Variants in PWWP2A observed in about 807,000 individuals in gnomAD.
PWWP2A encodes the protein PWWP domain-containing protein 2A.
PWWP2A carries 18 observed loss-of-function variants against 48.5 expected under a neutral mutation model. The ratio of observed to expected loss-of-function variants is 0.37; its 90% confidence interval spans 0.26 to 0.55. PWWP2A has a LOEUF of 0.55. Ranked by LOEUF, PWWP2A falls within the 20% of genes least tolerant of loss-of-function variation. The pLI is 0.81. For synonymous variants in PWWP2A, 396 were observed against 387.7 expected (o/e 1.02, Z -0.25); for missense variants, 867 against 976.4 (o/e 0.89, Z 1.49).
downstream of PWWP2A, among the ~76,000 whole-genome samples, chr5:160,060,408 C>G (rs1283226778): frequency 6.6e-6 from 1 of 152,198 alleles, no homozygotes; most frequent in African/African-American, 2.4e-5. Context: ...TCTAAACATT[C>G]TGGTCTAAGC....
chr5:160,093,318 A>G lies in PWWP2A; in HGVS notation c.1332T>C (p.Asn444=), dbSNP rs747639852. 2.5e-6 allele frequency: 4 copies of G among 1,613,784 alleles called. No individual in the cohort carries two copies. Among genetic ancestry groups the G allele is most frequent in the African/African-American group, 1.3e-5 (1 of 75,014 alleles). The change falls in exon 2 of 2, where the codon AAT becomes AAC. Residue 444 remains asparagine, a synonymous_variant. Coordinates refer to ENST00000307063, the MANE Select transcript of PWWP2A (RefSeq NM_001130864.2). This position sits in a 1 kb window ranked among gnomAD's most constrained non-coding sequence, Gnocchi z 5.8. ...IAKEKAQKKQ[N]ETSTSKNAHS... ...GTGCATTTTTGGAAGTAGAGGTTTCATTTTGCTTCTTTTGTGCCTTTTCTT... is the reference window on the plus strand; with the variant it reads ...GTGCATTTTTGGAAGTAGAGGTTTCGTTTTGCTTCTTTTGTGCCTTTTCTT...
At chr5:160,101,830 G>A (rs2113597316) in intron 1 of PWWP2A, among the ~76,000 whole-genome samples, 1 of 151,664 alleles carries the variant, frequency 6.6e-6, no homozygotes, top group East Asian at 1.9e-4. Flanking sequence ...AAAATGCGTG[G>A]CCGGCCACTG....
At chr5:160,102,644 T>C (rs919593393) in intron 1 of PWWP2A, among the ~76,000 whole-genome samples, 3 of 152,138 alleles carry the variant, frequency 2.0e-5, no homozygotes, top group Admixed American at 2.0e-4. Context: ...AAAGAATTAT[T>C]AGTGCAAGGG....
Position 160,093,769 on chromosome 5 carries a change from A to G in PWWP2A, c.881T>C (p.Ile294Thr). Reference sequence around the variant, plus strand: ...GTACATTTTTCGTTTGGGTCGCTTAATTTTCCGAGGAGGTGGCTGAGGTAT... The same window carrying G: ...GTACATTTTTCGTTTGGGTCGCTTAGTTTTCCGAGGAGGTGGCTGAGGTAT... ...QSIPQPPPRKIKRPKRKMYRE... is the reference protein window; with the variant it reads ...QSIPQPPPRKTKRPKRKMYRE... The change falls in exon 2 of 2, where the codon ATT becomes ACT. Residue 294 changes from isoleucine (I) to threonine (T), a missense_variant. This residue lies in a region of PWWP2A where 382 missense variants were observed against 407.2 expected (regional missense o/e 0.94). Transcript: ENST00000307063. The surrounding 1 kb of genome is among the most constrained non-coding windows in gnomAD (Gnocchi z 5.8). 1 of 1,613,944 alleles carries G rather than the reference A, an allele frequency of 6.2e-7. No homozygotes were observed. Among genetic ancestry groups the G allele is most frequent in the Non-Finnish European group, 8.5e-7 (1 of 1,179,884 alleles).
At position 160,118,966 on chromosome 5, in the gene PWWP2A, C is replaced by G. The variant is rs774601439; in HGVS notation, c.423G>C (p.Pro141=). Reference sequence around the variant, plus strand: ...CCCCGCCCGCCGGCGGCACGAGCGCCGGGGCTACGGGCTGAGGCAGCGGCG... The same window carrying G: ...CCCCGCCCGCCGGCGGCACGAGCGCGGGGGCTACGGGCTGAGGCAGCGGCG... ...EEPPLPQPVA[P]ALVPPAGGDS... is the part of the protein sequence containing the mutation. Residue 141 remains proline, a synonymous_variant, in exon 1 of 2, where the codon CCG becomes CCC. Transcript: ENST00000307063. 9.8e-5 allele frequency: 156 copies of G among 1,597,594 alleles called. No homozygotes were observed. The Admixed American group carries it at 2.6e-3, about 27-fold the overall frequency.
At chr5:160,056,143 A>G in the PWWP2A span, among the ~76,000 whole-genome samples, 1 of 152,140 alleles carries the variant, frequency 6.6e-6, no homozygotes, top group Non-Finnish European at 1.5e-5. Context: ...GTTACTTGAA[A>G]CTTATCTACT....
In PWWP2A at chr5:160,091,651, A is replaced by G; in HGVS notation, c.*731T>C. The G allele has an allele frequency of 6.1e-6, 6 of 985,060 alleles. No homozygotes were observed. The highest frequency in any genetic ancestry group is 6.0e-6 in the Non-Finnish European group (5 of 829,828). 61.0% of individuals were successfully genotyped at this position (985,060 alleles called of 1,614,324 possible). A position where few individuals can be genotyped will look rare whatever the true frequency, so the allele number is the denominator to read the frequency against. Reference sequence around the variant, plus strand: ...AAAATCAAACCTATCTAAACTCCCAAACCAGAAGCTTGAAAGTATTTATTA... The same window carrying G: ...AAAATCAAACCTATCTAAACTCCCAGACCAGAAGCTTGAAAGTATTTATTA... On this transcript the variant is annotated 3_prime_UTR_variant, in exon 2 of 2. Transcript: ENST00000307063.
chr5:160,082,249 C>A (rs1395091433), intron 2 of PWWP2A, among the ~76,000 whole-genome samples: 1 of 152,002 alleles, frequency 6.6e-6, no homozygotes, highest in South Asian at 2.1e-4. Flanking sequence ...TCGAGACCAT[C>A]CTGGCTAACA....
At chr5:160,087,379 CAAA>C (rs527692100), downstream of PWWP2A, among the ~76,000 whole-genome samples, 13 of 90,490 alleles carry the variant, frequency 1.4e-4, no homozygotes, top group Admixed American at 2.6e-4. Flanking sequence ...GACCCTATCT[CAAA>C]AAAAAAAAAA....
At chr5:160,114,630 G>A (rs1327921248) in intron 1 of PWWP2A, among the ~76,000 whole-genome samples, 1 of 151,726 alleles carries the variant, frequency 6.6e-6, no homozygotes, top group African/African-American at 2.4e-5. Context: ...CAGCGTGGTG[G>A]AGCATGCCTG....
At chr5:160,083,432 A>C (rs1477119203) in intron 2 of PWWP2A, among the ~76,000 whole-genome samples, 1 of 152,230 alleles carries the variant, frequency 6.6e-6, no homozygotes, top group African/African-American at 2.4e-5. Context: ...CTACTCAATC[A>C]TACGAGCAGC....
At chr5:160,080,713 T>C (rs1291779770) in exon 3 of PWWP2A, 3 of 1,575,772 alleles carry the variant, frequency 1.9e-6, no homozygotes, top group Non-Finnish European at 2.6e-6. Context: ...TGTCAGACAC[T>C]GTAAGGGAGC....
intron 1 of PWWP2A, among the ~76,000 whole-genome samples, chr5:160,108,025 A>G (rs1023147338): frequency 1.3e-5 from 2 of 152,164 alleles, no homozygotes; most frequent in Non-Finnish European, 2.9e-5. Context: ...AGGAAACCCC[A>G]AGTCCAATAA....
downstream of PWWP2A, among the ~76,000 whole-genome samples, chr5:160,087,469 G>T (rs374478134): frequency 6.6e-5 from 10 of 152,076 alleles, no homozygotes; most frequent in South Asian, 2.1e-3. Flanking sequence ...GGTTGATCAG[G>T]AAGGAATCCT....
Position 160,091,340 on chromosome 5 carries a change from T to A in PWWP2A, c.*1042A>T, listed in dbSNP as rs1755040015. ...TTTTTGAGAAACACACACAAATAATTTGGATTTAGTTGATTTTATTTACAG... is the reference window on the plus strand; with the variant it reads ...TTTTTGAGAAACACACACAAATAATATGGATTTAGTTGATTTTATTTACAG... On this transcript the variant is annotated 3_prime_UTR_variant, in exon 2 of 2. Coordinates refer to ENST00000307063, the MANE Select transcript of PWWP2A (RefSeq NM_001130864.2). 1.0e-6 allele frequency: 1 copy of A among 980,074 alleles called. No individual in the cohort carries two copies. The highest frequency in any genetic ancestry group is 1.8e-5 in the African/African-American group (1 of 57,088). The allele number at this position is 980,074 out of a possible 1,614,324, so 60.7% of individuals were successfully genotyped here. A position where few individuals can be genotyped will look rare whatever the true frequency, so the allele number is the denominator to read the frequency against.
chr5:160,051,269 GT>G, the PWWP2A span: 1 of 1,125,646 alleles, frequency 8.9e-7, no homozygotes, highest in Non-Finnish European at 1.3e-6. Context: ...GAACACATGA[GT>G]TAGAAAGTTT....
Position 160,092,289 on chromosome 5 carries a change from A to C in PWWP2A, c.*93T>G. Reference sequence around the variant, plus strand: ...CCAACTGAGTGCAACTTCTCTCTCCAATCTGGCCACGCTATTTTGTAGAAA... The same window carrying C: ...CCAACTGAGTGCAACTTCTCTCTCCCATCTGGCCACGCTATTTTGTAGAAA... On this transcript the variant is annotated 3_prime_UTR_variant, in exon 2 of 2. Transcript: ENST00000307063. 1 of 1,442,408 alleles carries C rather than the reference A, an allele frequency of 6.9e-7. No individual in the cohort carries two copies. Among genetic ancestry groups the C allele is most frequent in the South Asian group, 1.6e-5 (1 of 64,152 alleles). 89.4% of individuals were successfully genotyped at this position (1,442,408 alleles called of 1,614,324 possible).
At chr5:160,073,866 A>T (rs1374793165), downstream of PWWP2A, among the ~76,000 whole-genome samples, 2 of 151,840 alleles carry the variant, frequency 1.3e-5, no homozygotes, top group Admixed American at 1.3e-4. Context: ...GGAGTTCAAG[A>T]CCAGCCTGGC....
At chr5:160,049,543 G>T in the PWWP2A span, 1 of 1,588,438 alleles carries the variant, frequency 6.3e-7, no homozygotes, top group Non-Finnish European at 8.5e-7. Flanking sequence ...CTATATCAGG[G>T]CAATATTGAG....
Sources: allele counts gnomAD v4.1 joint callset (sites outside exome capture counted in the v4.1 genomes callset), GRCh38; gene constraint gnomAD v4.1.1; regional missense constraint gnomAD v4.1.1; non-coding constraint Gnocchi (gnomAD v3.1); transcripts MANE v1.5; gene names NCBI Gene and HGNC (gene_info 2026-07-23, HGNC 2026-07-21).